Variants in MYO18B observed in about 807,000 individuals in gnomAD.
MYO18B encodes the protein myosin XVIIIB, also known as unconventional myosin-XVIIIb.
MYO18B carries 204 observed loss-of-function variants against 273.0 expected under a neutral mutation model. The ratio of observed to expected loss-of-function variants is 0.75; its 90% CI spans 0.67 to 0.84. MYO18B has a LOEUF of 0.84. Among genes scored for constraint, MYO18B ranks in the 40% least tolerant of loss-of-function variants. The pLI, the probability that MYO18B is intolerant of heterozygous loss-of-function variation, is 0.00. For synonymous variants in MYO18B, 1,330 were observed against 1,305.7 expected, an observed-to-expected ratio of 1.02 and a Z score of -0.40; for missense variants, 3,212 against 3,287.6, an observed-to-expected ratio of 0.98 and a Z score of 0.56.
chr22:25,962,733 A>G (rs1451553829), intron 39 of MYO18B, among the ~76,000 whole-genome samples: 1 of 152,226 alleles, frequency 6.6e-6, no homozygotes, highest in Non-Finnish European at 1.5e-5. Flanking sequence ...TGGAAGATGC[A>G]TCATTCATCT....
chr22:26,044,325 T>G, the MYO18B span, among the ~76,000 whole-genome samples: 4 of 152,224 alleles, frequency 2.6e-5, no homozygotes, highest in Admixed American at 2.6e-4. Context: ...ATGTTTTTAT[T>G]TTTGGTAAAG....
chr22:25,811,224 T>C (rs918219543), intron 12 of MYO18B, among the ~76,000 whole-genome samples: 2 of 151,712 alleles, frequency 1.3e-5, no homozygotes, highest in Non-Finnish European at 2.9e-5. Flanking sequence ...GGTTTCACCA[T>C]GTTGGTCAGG....
At chr22:25,827,321 C>T (rs1307705304) in intron 14 of MYO18B, among the ~76,000 whole-genome samples, 1 of 152,162 alleles carries the variant, frequency 6.6e-6, no homozygotes, top group East Asian at 1.9e-4. Context: ...ACATTGCTCT[C>T]ATCCATTTAT....
chr22:25,902,582 G>A (rs751529198), intron 29 of MYO18B, 31 bp from the exon 30 acceptor site: 31 of 1,595,008 alleles, frequency 1.9e-5, no homozygotes, highest in African/African-American at 4.0e-5. Flanking sequence ...ACCTGCCTAC[G>A]GGGCCCTGAC....
rs148253993 is a variant in MYO18B at position 25,764,731 on chromosome 22, C to T, written c.198+1342C>T. Among the ~76,000 whole-genome samples, 122 of 152,332 alleles carry T rather than the reference C, an allele frequency of 8.0e-4. No homozygotes were observed. In the South Asian group the frequency reaches 0.011, roughly 14 times the overall value. On this transcript the variant is annotated intron_variant, in intron 3 of 43. Transcript: ENST00000335473. ...AGGCATAAGTGGGGGCCAAAGTTGA[C>T]CCCGGCAGGCTGTTGTTAGGTTATG...
rs150610700 is a variant in MYO18B at position 25,755,363 on chromosome 22, C to T, written c.-109-5621C>T. On this transcript the variant is annotated intron_variant, in intron 1 of 43. Transcript: ENST00000335473. ...CTGAGATTACAGGCATGCGCTGGCA[C>T]GCCCATCTAATTTTGTATTTTTAGT... 3.8e-3 allele frequency among the ~76,000 whole-genome samples: 577 copies of T among 152,236 alleles called. 16 individuals are homozygous for T. The highest frequency in any genetic ancestry group is 2.1e-3 in the East Asian group (11 of 5,172).
intron 34 of MYO18B, among the ~76,000 whole-genome samples, chr22:25,931,967 G>A (rs2092509708): frequency 6.6e-6 from 1 of 151,698 alleles, no homozygotes; most frequent in Non-Finnish European, 1.5e-5. Flanking sequence ...AAACTCCTGG[G>A]CTCAAGCGAT....
At chr22:26,007,131 C>A (rs1234598999) in intron 42 of MYO18B, among the ~76,000 whole-genome samples, 2 of 152,144 alleles carry the variant, frequency 1.3e-5, no homozygotes, top group Admixed American at 6.6e-5. Flanking sequence ...AGGGAGGGGG[C>A]AGGAGGCAAG....
At chr22:25,820,356 C>A (rs1601796560) in intron 12 of MYO18B, among the ~76,000 whole-genome samples, 1 of 152,084 alleles carries the variant, frequency 6.6e-6, no homozygotes, top group East Asian at 1.9e-4. Flanking sequence ...TAGATAAAGT[C>A]CTTTTCCAAA....
At chr22:25,997,888 C>T (rs759854838) in intron 40 of MYO18B, among the ~76,000 whole-genome samples, 1 of 150,976 alleles carries the variant, frequency 6.6e-6, no homozygotes, top group Non-Finnish European at 1.5e-5. Context: ...CTTCTCCAAA[C>T]AGAGTTCTCA....
At chr22:25,944,811 C>T (rs1168304720) in intron 34 of MYO18B, among the ~76,000 whole-genome samples, 2 of 147,158 alleles carry the variant, frequency 1.4e-5, no homozygotes, top group East Asian at 4.0e-4. Flanking sequence ...CGTGGCACTG[C>T]ACTCCATCGT....
intron 22 of MYO18B, among the ~76,000 whole-genome samples, chr22:25,873,629 G>A (rs977469874): frequency 6.6e-6 from 1 of 151,940 alleles, no homozygotes; most frequent in Non-Finnish European, 1.5e-5. Flanking sequence ...TAGTAGAGAC[G>A]GAGTTTCTCC....
chr22:25,942,188 G>A (rs2092652022), intron 34 of MYO18B, among the ~76,000 whole-genome samples: 1 of 152,216 alleles, frequency 6.6e-6, no homozygotes, highest in Non-Finnish European at 1.5e-5. Flanking sequence ...GACTGCCTCA[G>A]GTCTGGCTCC....
chr22:26,048,425 T>C, the MYO18B span, among the ~76,000 whole-genome samples: 19 of 152,254 alleles, frequency 1.2e-4, no homozygotes, highest in East Asian at 3.7e-3. Context: ...TTATTGTTTT[T>C]AGTGGCTGGG....
chr22:25,795,352 CAT>C (rs1164829295), intron 11 of MYO18B, among the ~76,000 whole-genome samples: 1 of 152,144 alleles, frequency 6.6e-6, no homozygotes, highest in African/African-American at 2.4e-5. Flanking sequence ...GAATCAGAAA[CAT>C]ATATATTTAT....
At chr22:26,021,739 A>G (rs1223662393) in intron 42 of MYO18B, among the ~76,000 whole-genome samples, 1 of 152,218 alleles carries the variant, frequency 6.6e-6, no homozygotes, top group African/African-American at 2.4e-5. Flanking sequence ...CTTGGTTGCC[A>G]GCTGTGTGTG....
intron 12 of MYO18B, 46 bp from the exon 13 acceptor site, chr22:25,823,459 A>T: frequency 6.3e-7 from 1 of 1,591,094 alleles, no homozygotes; most frequent in South Asian, 1.1e-5. Flanking sequence ...CATTCACCCC[A>T]TGCCCAAGGC....
intron 12 of MYO18B, among the ~76,000 whole-genome samples, chr22:25,810,533 A>C (rs565035317): frequency 6.8e-6 from 1 of 146,270 alleles, no homozygotes; most frequent in African/African-American, 2.6e-5. Context: ...TCCCAGTTTC[A>C]AGCGATTCTC....
rs778936846 is a variant in MYO18B at position 25,898,460 on chromosome 22, A to T, written c.4822A>T (p.Lys1608Ter). 1 of 1,613,370 alleles carries T rather than the reference A, an allele frequency of 6.2e-7. No homozygotes were observed. The highest frequency in any genetic ancestry group is 2.2e-5 in the East Asian group (1 of 44,876). The change falls in exon 29 of 44, where the codon AAG (lysine) becomes TAG (stop). Residue 1608 changes from lysine to a stop codon, truncating the protein, a stop_gained and splice_region_variant. Transcript: ENST00000335473. LOFTEE classifies it high-confidence loss of function. The stretch of plus-strand genomic sequence containing the variant: ...CCATGAGCTGGAGAAGAAGCAGAAG[A>T]AGTGAGTTGCATCTCTCACCATCAC... ...RNHELEKKQK[K>*]FDLQLAQALG... is the part of the protein sequence containing the mutation.
Sources: allele counts gnomAD v4.1 joint callset (sites outside exome capture counted in the v4.1 genomes callset), GRCh38; gene constraint gnomAD v4.1.1; transcripts MANE v1.5; gene names NCBI Gene and HGNC (gene_info 2026-07-23, HGNC 2026-07-21).